Variants in DPF3 observed in about 807,000 individuals in gnomAD.
The protein encoded by DPF3 is zinc finger protein DPF3.
Under a neutral mutation model 56.8 loss-of-function variants are expected in DPF3, and 18 were observed. The observed-to-expected ratio is 0.32, with a 90% CI of 0.22 to 0.47. The LOEUF (loss-of-function observed/expected upper bound fraction) is 0.47, where lower values mean the gene tolerates loss of function less well. DPF3 is among the 20% of genes least tolerant of loss of function. DPF3 has a pLI of 1.00. For synonymous variants in DPF3, 188 were observed against 180.2 expected, an observed-to-expected ratio of 1.04 and a Z score of -0.35; for missense variants, 403 against 488.8, an observed-to-expected ratio of 0.82 and a Z score of 1.65.
intron 8 of DPF3, among the ~76,000 whole-genome samples, chr14:72,646,055 C>T (rs1885715024): frequency 6.6e-6 from 1 of 152,172 alleles, no homozygotes; most frequent in Non-Finnish European, 1.5e-5. Context: ...TTTTGAGATG[C>T]ACTTCTCTAA....
At position 72,694,766 on chromosome 14, in the gene DPF3, C is replaced by T. The variant is rs373912830; in HGVS notation, c.605-1553G>A. Among the ~76,000 whole-genome samples the T allele has an allele frequency of 5.3e-5, 8 of 152,188 alleles. No individual in the cohort carries two copies. The South Asian group carries it at 6.2e-4, about 12-fold the overall frequency. On this transcript the variant is annotated intron_variant, in intron 6 of 10. Coordinates refer to ENST00000556509, the MANE Select transcript of DPF3 (RefSeq NM_001280542.3). ...GGATTTAGTGTTTCACTGTTTAGAA[C>T]GATGTATCTGGCTAATTTTTAGTCT...
intron 7 of DPF3, among the ~76,000 whole-genome samples, chr14:72,687,874 C>A (rs1250424397): frequency 1.3e-5 from 2 of 152,040 alleles, no homozygotes; most frequent in African/African-American, 4.8e-5. Flanking sequence ...TCCAGTAGAA[C>A]CTGAGAATCT....
intron 1 of DPF3, among the ~76,000 whole-genome samples, chr14:72,878,056 G>A (rs947474678): frequency 1.3e-5 from 2 of 152,132 alleles, no homozygotes; most frequent in African/African-American, 4.8e-5. Context: ...GGCTCCTGCA[G>A]CCCATATTTG....
rs76743039 is a variant in DPF3, at chr14:72,894,003, T to C, written c.32+54A>G. 2.5e-6 allele frequency: 4 copies of C among 1,590,624 alleles called. No individual in the cohort carries two copies. The South Asian group carries it at 3.4e-5, about 14-fold the overall frequency. On this transcript the variant is annotated intron_variant, in intron 1 of 10. Coordinates refer to ENST00000556509, the MANE Select transcript of DPF3 (RefSeq NM_001280542.3). ...CAGCGCTCGCCACGCAGAAGGCGCC[T>C]TTTTTTTCATATTGAAACCACGCGG... is the stretch of plus-strand genomic sequence containing the variant.
At chr14:72,685,120 A>G (rs1442764263) in intron 7 of DPF3, among the ~76,000 whole-genome samples, 3 of 152,236 alleles carry the variant, frequency 2.0e-5, no homozygotes, top group Admixed American at 2.0e-4. Flanking sequence ...AATTTTGTTA[A>G]GACAGTGCCT....
At chr14:72,830,628 T>C (rs1884013326) in intron 1 of DPF3, among the ~76,000 whole-genome samples, 1 of 152,216 alleles carries the variant, frequency 6.6e-6, no homozygotes, top group African/African-American at 2.4e-5. Flanking sequence ...ACTTAGCATG[T>C]GACCATCGGG....
chr14:72,745,048 A>G (rs1417261365), intron 3 of DPF3, among the ~76,000 whole-genome samples: 6 of 122,148 alleles, frequency 4.9e-5, no homozygotes, highest in Non-Finnish European at 9.8e-5. Flanking sequence ...TCACACCAGG[A>G]GGCTGGGAGG....
chr14:72,709,985 C>T (rs1243403711), intron 6 of DPF3, among the ~76,000 whole-genome samples: 2 of 152,230 alleles, frequency 1.3e-5, no homozygotes, highest in African/African-American at 4.8e-5. Flanking sequence ...CTGCTTTGCT[C>T]CTCCCTGCAT....
rs140740158 is a variant in DPF3, at chr14:72,726,417, A to G, written c.430-2689T>C. On this transcript the variant is annotated intron_variant, in intron 4 of 10. Coordinates refer to ENST00000556509, the MANE Select transcript of DPF3 (RefSeq NM_001280542.3). ...GTCCCCAGAGTGTCACATGGCCTCC[A>G]TATCTGGGAGTAAACTGACTTCTCT... Among the ~76,000 whole-genome samples, 43 of 152,310 alleles carry G rather than the reference A, an allele frequency of 2.8e-4. No individual in the cohort carries two copies. In the East Asian group the frequency reaches 7.9e-3, roughly 28 times the overall value.
At chr14:72,713,499 G>A (rs72728589) in intron 6 of DPF3, among the ~76,000 whole-genome samples, 6,360 of 152,240 alleles carry the variant, frequency 0.042, 194 homozygotes, top group Admixed American at 0.092. Context: ...AGGGAGACCC[G>A]TGCCAGGGTC....
chr14:72,875,006 G>C (rs879709232), intron 1 of DPF3, among the ~76,000 whole-genome samples: 1 of 152,204 alleles, frequency 6.6e-6, no homozygotes, highest in Non-Finnish European at 1.5e-5. Context: ...GGCAGGAAGT[G>C]AAAGACACTT....
chr14:72,827,935 G>A (rs1351793137), intron 1 of DPF3, among the ~76,000 whole-genome samples: 4 of 151,800 alleles, frequency 2.6e-5, no homozygotes, highest in African/African-American at 9.7e-5. Flanking sequence ...CTGGGCAACA[G>A]AGCAAGACCC....
Position 72,676,552 on chromosome 14 carries a change from C to G in DPF3, c.743-2184G>C, listed in dbSNP as rs550275120. On this transcript the variant is annotated intron_variant, in intron 7 of 10. Coordinates refer to ENST00000556509, the MANE Select transcript of DPF3 (RefSeq NM_001280542.3). ...CAAATCTCATCTTGAATTGCAGCTC[C>G]CATAATCCCCACATGTCATGGGAGA... 5.3e-5 allele frequency among the ~76,000 whole-genome samples: 8 copies of G among 152,310 alleles called. No individual in the cohort carries two copies. In the South Asian group the frequency reaches 1.7e-3, roughly 32 times the overall value.
chr14:72,824,660 C>T (rs1340870264), intron 1 of DPF3, among the ~76,000 whole-genome samples: 2 of 151,854 alleles, frequency 1.3e-5, no homozygotes, highest in Non-Finnish European at 2.9e-5. Flanking sequence ...CTCTGCCTCC[C>T]GGGTTCAGTT....
At chr14:72,838,771 C>T (rs1021960272) in intron 1 of DPF3, among the ~76,000 whole-genome samples, 6 of 147,414 alleles carry the variant, frequency 4.1e-5, no homozygotes, top group African/African-American at 1.3e-4. Context: ...AAAAAAAAGG[C>T]AATTACTGTT....
chr14:72,758,630 G>A (rs1037363887), intron 2 of DPF3, among the ~76,000 whole-genome samples: 6 of 152,084 alleles, frequency 3.9e-5, no homozygotes, highest in South Asian at 4.2e-4. Context: ...AACAGCGCTC[G>A]GTGTGCACAA....
intron 5 of DPF3, among the ~76,000 whole-genome samples, chr14:72,715,496 G>A (rs1888878440): frequency 6.6e-6 from 1 of 152,176 alleles, no homozygotes; most frequent in Admixed American, 6.5e-5. Flanking sequence ...AGAGGAAGGG[G>A]CAGCAGGTGA....
chr14:72,861,737 G>A (rs78224564), intron 1 of DPF3, among the ~76,000 whole-genome samples: 2 of 84,536 alleles, frequency 2.4e-5, no homozygotes, highest in Non-Finnish European at 4.8e-5. Flanking sequence ...AAGAAAGAAA[G>A]AGAAAGAAAG....
intron 3 of DPF3, among the ~76,000 whole-genome samples, chr14:72,740,936 G>A (rs563047596): frequency 4.6e-5 from 7 of 152,244 alleles, no homozygotes; most frequent in Non-Finnish European, 8.8e-5. Flanking sequence ...GCATGGTGGC[G>A]CATGCCTGAA....
Sources: allele counts gnomAD v4.1 joint callset (sites outside exome capture counted in the v4.1 genomes callset), GRCh38; gene constraint gnomAD v4.1.1; transcripts MANE v1.5; gene names NCBI Gene and HGNC (gene_info 2026-07-23, HGNC 2026-07-21).